The following OR51B5 variants were observed in gnomAD, a reference collection of about 807,000 sequenced individuals.
The protein encoded by OR51B5 is olfactory receptor 51B5.
For synonymous variants in OR51B5, 186 were observed against 144.8 expected, an observed-to-expected ratio of 1.28 and a Z score of -2.04; for missense variants, 456 against 374.6, an observed-to-expected ratio of 1.22 and a Z score of -1.79.
chr11:5,431,211 G>A (rs774113871), intron 1 of OR51B5: 4 of 355,460 alleles, frequency 1.1e-5, no homozygotes, highest in Non-Finnish European at 2.2e-5. Flanking sequence ...TATAGCGCAG[G>A]AGGTTGTAGA....
intron 1 of OR51B5, among the ~76,000 whole-genome samples, chr11:5,425,191 T>C (rs974351032): frequency 6.6e-6 from 1 of 152,040 alleles, no homozygotes; most frequent in African/African-American, 2.4e-5. Context: ...ATCCAAATGC[T>C]GAAAAAAGTC....
intron 1 of OR51B5, among the ~76,000 whole-genome samples, chr11:5,418,022 A>G (rs1850268535): frequency 2.2e-5 from 1 of 46,460 alleles, no homozygotes; most frequent in Admixed American, 3.0e-4. Context: ...AATGTCCAAT[A>G]ATGATAGACT....
At chr11:5,463,170 A>G (rs1851085363) in intron 1 of OR51B5, among the ~76,000 whole-genome samples, 1 of 152,254 alleles carries the variant, frequency 6.6e-6, no homozygotes, top group African/African-American at 2.4e-5. Context: ...TAAATTATCC[A>G]TTGAATAGGC....
chr11:5,381,710 A>G (rs576044127), intron 1 of OR51B5, among the ~76,000 whole-genome samples: 15 of 149,068 alleles, frequency 1.0e-4, no homozygotes, highest in African/African-American at 3.4e-4. Context: ...AAAGAGGACT[A>G]TTTTGTGATA....
intron 1 of OR51B5, among the ~76,000 whole-genome samples, chr11:5,425,612 T>A (rs555932453): frequency 2.0e-5 from 3 of 152,210 alleles, no homozygotes; most frequent in South Asian, 2.1e-4. Context: ...TAAATTTTTT[T>A]AATTGGGAAA....
At chr11:5,420,327 T>C (rs1850313809) in intron 1 of OR51B5, among the ~76,000 whole-genome samples, 1 of 152,092 alleles carries the variant, frequency 6.6e-6, no homozygotes, top group African/African-American at 2.4e-5. Context: ...TCTCTGTTAT[T>C]TTGAAAGTTT....
At chr11:5,474,269 GAA>G (rs1183856727) in intron 1 of OR51B5, among the ~76,000 whole-genome samples, 5 of 152,066 alleles carry the variant, frequency 3.3e-5, no homozygotes, top group South Asian at 4.1e-4. Context: ...TATTGGTTGA[GAA>G]AAGATTTCAT....
At chr11:5,441,505 G>A (rs1850689783) in intron 1 of OR51B5, 1 of 1,610,720 alleles carries the variant, frequency 6.2e-7, no homozygotes, top group Non-Finnish European at 8.5e-7. Flanking sequence ...GTGCCATTGA[G>A]ACCCAGCATG....
intron 1 of OR51B5, among the ~76,000 whole-genome samples, chr11:5,434,481 G>A (rs1428384930): frequency 2.0e-5 from 3 of 152,170 alleles, no homozygotes; most frequent in Non-Finnish European, 4.4e-5. Context: ...CACCTCTCTA[G>A]AGGGTCACTT....
chr11:5,367,821 G>A (rs1849393737), intron 1 of OR51B5, among the ~76,000 whole-genome samples: 1 of 152,088 alleles, frequency 6.6e-6, no homozygotes, highest in Admixed American at 6.6e-5. Context: ...CAGAATAGAG[G>A]CACTTGCACA....
intron 1 of OR51B5, among the ~76,000 whole-genome samples, chr11:5,348,845 T>A (rs148436603): frequency 2.8e-4 from 42 of 152,072 alleles, no homozygotes; most frequent in Admixed American, 1.9e-3. Flanking sequence ...TTGCACTCAA[T>A]ATTAACCATC....
At chr11:5,490,757 C>A (rs16931671) in intron 1 of OR51B5, among the ~76,000 whole-genome samples, 10,426 of 152,224 alleles carry the variant, frequency 0.068, 743 homozygotes, top group East Asian at 0.37. Flanking sequence ...GATCTGTGTG[C>A]AGATGACCAT....
chr11:5,472,154 A>G (rs411732), intron 1 of OR51B5, among the ~76,000 whole-genome samples: 27,131 of 152,188 alleles, frequency 0.18, 2,667 homozygotes, highest in African/African-American at 0.24. Context: ...GCTCAGAACC[A>G]CACAGTGAAG....
chr11:5,422,092 A>G, intron 1 of OR51B5: 2 of 886,420 alleles, frequency 2.3e-6, no homozygotes, highest in Non-Finnish European at 3.5e-6. Context: ...ACAACTCTGA[A>G]CATTTATTTG....
chr11:5,502,704 A>G (rs1846313918), intron 1 of OR51B5, among the ~76,000 whole-genome samples: 2 of 152,210 alleles, frequency 1.3e-5, no homozygotes, highest in African/African-American at 4.8e-5. Flanking sequence ...TTACCTTCTT[A>G]TGCCTTAGTT....
chr11:5,451,617 G>T (rs1850850418), intron 1 of OR51B5, among the ~76,000 whole-genome samples: 1 of 152,156 alleles, frequency 6.6e-6, no homozygotes, highest in South Asian at 2.1e-4. Flanking sequence ...TTTTAAAAAT[G>T]CTTCCTGGGG....
intron 1 of OR51B5, among the ~76,000 whole-genome samples, chr11:5,419,546 G>GT (rs1231041694): frequency 6.6e-6 from 1 of 152,144 alleles, no homozygotes; most frequent in African/African-American, 2.4e-5. Flanking sequence ...CATTTATATT[G>GT]TATCAGTCAT....
At chr11:5,492,750 C>T (rs1851598313) in intron 1 of OR51B5, among the ~76,000 whole-genome samples, 1 of 152,150 alleles carries the variant, frequency 6.6e-6, no homozygotes, top group Non-Finnish European at 1.5e-5. Context: ...CATTCTCCTG[C>T]CTCAGCTTCC....
rs111413059 is a variant in OR51B5, at chr11:5,444,185, T to C, written n.84+61384A>G. 6.3e-3 allele frequency among the ~76,000 whole-genome samples: 961 copies of C among 152,264 alleles called. 12 individuals carry two copies. The highest frequency in any genetic ancestry group is 9.9e-3 in the Non-Finnish European group (675 of 68,012). On this transcript the variant is annotated intron_variant and non_coding_transcript_variant, in intron 1 of 4. Transcript: ENST00000415970. Reference sequence around the variant, plus strand: ...TTATTTTCCCATATACATACATATATGCTGACATACACAATACTGAAAATC... The same window carrying C: ...TTATTTTCCCATATACATACATATACGCTGACATACACAATACTGAAAATC...
Sources: gnomAD v4.1 joint callset for allele counts (sites outside exome capture counted in the v4.1 genomes callset) on GRCh38, gnomAD v4.1.1 for gene constraint, MANE v1.5 for transcripts, NCBI Gene and HGNC (gene_info 2026-07-23, HGNC 2026-07-21) for gene names.